Variants in CCDC146 observed in about 807,000 individuals in gnomAD.
The protein encoded by CCDC146 is coiled-coil domain containing 146.
In CCDC146, 92 loss-of-function variants were observed where a neutral mutation model predicts 119.3. That is an observed-to-expected ratio of 0.77 (90% CI 0.65 to 0.92). The LOEUF (loss-of-function observed/expected upper bound fraction) is 0.92. CCDC146 is among the 40% of genes least tolerant of loss of function. The pLI is 0.00. For synonymous variants in CCDC146, 372 were observed against 371.8 expected, an observed-to-expected ratio of 1.00 and a Z score of -0.01; for missense variants, 1,000 against 1,103.0, an observed-to-expected ratio of 0.91 and a Z score of 1.32.
At chr7:77,140,906 T>G (rs1235817717) in intron 1 of CCDC146, among the ~76,000 whole-genome samples, 1 of 152,122 alleles carries the variant, frequency 6.6e-6, no homozygotes, top group African/African-American at 2.4e-5. Context: ...ACCATCCCAG[T>G]CAAAATTCCA....
intron 1 of CCDC146, among the ~76,000 whole-genome samples, chr7:77,150,560 G>A (rs1296282489): frequency 1.3e-5 from 2 of 152,224 alleles, no homozygotes; most frequent in East Asian, 3.8e-4. Flanking sequence ...ACAATGCCAT[G>A]TGTTAACAAG....
At position 77,294,733 on chromosome 7, in the gene CCDC146, C is replaced by A; in HGVS notation, c.2735C>A (p.Ala912Asp). The A allele has an allele frequency of 6.2e-7, 1 of 1,614,160 alleles. No homozygotes were observed. The highest frequency in any genetic ancestry group is 8.5e-7 in the Non-Finnish European group (1 of 1,180,018). ...VYTTAEQRPN[A>D]YIPEADATLP... ...ACAACTGCAGAGCAGCGTCCGAATG[C>A]CTACATCCCAGAAGCAGATGCCACT... The change falls in exon 19 of 19, where the codon GCC (alanine) becomes GAC (aspartate). Residue 912 changes from alanine to aspartate, a missense_variant. By Grantham distance (126) the Ala-to-Asp change is moderately radical. Around this residue, in one of 2 missense-constraint regions of CCDC146, gnomAD observed 985 missense variants for 1,045.3 expected, o/e 0.94. Coordinates refer to ENST00000285871, the MANE Select transcript of CCDC146 (RefSeq NM_020879.3).
At chr7:77,163,860 C>CTTTTTTTTTTTTTTTTT (rs530810388) in intron 1 of CCDC146, among the ~76,000 whole-genome samples, 18 of 110,032 alleles carry the variant, frequency 1.6e-4, no homozygotes, top group Non-Finnish European at 2.2e-4. Flanking sequence ...TCTTTTTTTT[C>CTTTTTTTTTTTTTTTTT]TTTTTTTTTT....
At chr7:77,203,045 C>T (rs971825564) in intron 2 of CCDC146, among the ~76,000 whole-genome samples, 1 of 95,508 alleles carries the variant, frequency 1.0e-5, no homozygotes, top group East Asian at 4.2e-4. Flanking sequence ...CCCCCCCCCC[C>T]AGGACTATTT....
intron 2 of CCDC146, chr7:77,199,337 C>CA: frequency 1.2e-6 from 2 of 1,614,094 alleles, no homozygotes; most frequent in Non-Finnish European, 1.7e-6. Flanking sequence ...CCATGAAGTA[C>CA]ATTGATCTCC....
chr7:77,220,813 A>G (rs865891961), intron 2 of CCDC146, among the ~76,000 whole-genome samples: 6 of 152,258 alleles, frequency 3.9e-5, no homozygotes, highest in South Asian at 2.1e-4. Context: ...CTATAGGCTG[A>G]GTTGTGTGTT....
intron 1 of CCDC146, among the ~76,000 whole-genome samples, chr7:77,162,021 A>G (rs1791270541): frequency 6.6e-6 from 1 of 152,094 alleles, no homozygotes; most frequent in African/African-American, 2.4e-5. Flanking sequence ...ATTCAGTTGT[A>G]TAAGTTCCTT....
intron 1 of CCDC146, among the ~76,000 whole-genome samples, chr7:77,136,326 TAAATG>T (rs1413823811): frequency 6.6e-6 from 1 of 151,890 alleles, no homozygotes; most frequent in African/African-American, 2.4e-5. Context: ...GTAAAGAAAA[TAAATG>T]AAATGAAAAG....
At chr7:77,134,503 A>G (rs1472851718) in intron 1 of CCDC146, among the ~76,000 whole-genome samples, 4 of 151,906 alleles carry the variant, frequency 2.6e-5, no homozygotes. Context: ...TTTTATAGTA[A>G]TATTGATGAA....
chr7:77,280,288 T>A lies in CCDC146; in HGVS notation c.1695-141T>A. ...TTCCTGAAGAGTATCATAAGATGAATATCATTATTACTAGTATCATTTCAA... is the reference window on the plus strand; with the variant it reads ...TTCCTGAAGAGTATCATAAGATGAAAATCATTATTACTAGTATCATTTCAA... On this transcript the variant is annotated intron_variant, in intron 13 of 18. Transcript: ENST00000285871. The A allele has an allele frequency of 1.1e-5, 7 of 618,736 alleles. No homozygotes were observed. In the South Asian group the frequency reaches 1.4e-4, roughly 12 times the overall value. 38.3% of individuals were successfully genotyped at this position (618,736 alleles called of 1,614,324 possible).
chr7:77,230,728 G>A (rs987752714), intron 2 of CCDC146, among the ~76,000 whole-genome samples: 5 of 151,990 alleles, frequency 3.3e-5, no homozygotes, highest in African/African-American at 1.2e-4. Context: ...GATTCTACTT[G>A]GGATTCTTTG....
At chr7:77,225,244 GT>G (rs1792487251) in intron 2 of CCDC146, among the ~76,000 whole-genome samples, 1 of 152,154 alleles carries the variant, frequency 6.6e-6, no homozygotes, top group South Asian at 2.1e-4. Context: ...AAGTTACATA[GT>G]TTTAAAAAAT....
intron 1 of CCDC146, among the ~76,000 whole-genome samples, chr7:77,159,324 T>A (rs1299759890): frequency 6.6e-6 from 1 of 152,146 alleles, no homozygotes; most frequent in African/African-American, 2.4e-5. Flanking sequence ...CTACCCCAAG[T>A]CCCTGGCAAC....
At chr7:77,250,620 G>A (rs1281720668) in intron 4 of CCDC146, among the ~76,000 whole-genome samples, 1 of 152,102 alleles carries the variant, frequency 6.6e-6, no homozygotes, top group Non-Finnish European at 1.5e-5. Flanking sequence ...TTGACTTTCT[G>A]TAATTTACAT....
Position 77,274,482 on chromosome 7 carries a change from A to C in CCDC146, c.1270A>C (p.Lys424Gln), listed in dbSNP as rs187057485. ...EVAKRNLAQQ[K>Q]IISEMESKLV... Reference sequence around the variant, plus strand: ...TATTATCTGTGTTTTTTTTCAAAAGAAAATTATATCAGAAATGGAGTCTAA... The same window carrying C: ...TATTATCTGTGTTTTTTTTCAAAAGCAAATTATATCAGAAATGGAGTCTAA... The change falls in exon 11 of 19, where the codon AAA becomes CAA. Residue 424 changes from lysine (K) to glutamine (Q), a missense_variant and splice_region_variant. This residue lies in a region of CCDC146 where 985 missense variants were observed against 1,045.3 expected (regional missense o/e 0.94). Transcript: ENST00000285871. 4.4e-3 allele frequency: 6,700 copies of C among 1,531,784 alleles called. 23 individuals carry two copies. Among genetic ancestry groups the C allele is most frequent in the Non-Finnish European group, 5.3e-3 (6,095 of 1,139,908 alleles). The allele number at this position is 1,531,784 out of a possible 1,614,324, so 94.9% of individuals were successfully genotyped here. A position where few individuals can be genotyped will look rare whatever the true frequency, so the allele number is the denominator to read the frequency against.
chr7:77,199,924 C>T (rs1791955843), intron 2 of CCDC146: 9 of 1,110,938 alleles, frequency 8.1e-6, no homozygotes, highest in Admixed American at 2.6e-5. Context: ...GTTTTAGAAA[C>T]GCACAGGAAG....
intron 1 of CCDC146, among the ~76,000 whole-genome samples, chr7:77,165,534 T>TCACAG (rs1427256479): frequency 6.6e-6 from 1 of 152,098 alleles, no homozygotes; most frequent in African/African-American, 2.4e-5. Context: ...GTTTGGGGTA[T>TCACAG]CACAGAGTCC....
At chr7:77,159,560 A>G (rs1269165435) in intron 1 of CCDC146, among the ~76,000 whole-genome samples, 10 of 152,132 alleles carry the variant, frequency 6.6e-5, no homozygotes, top group African/African-American at 2.4e-4. Flanking sequence ...TTGTTTCCAT[A>G]TCTTGGCTTT....
chr7:77,227,033 T>G (rs1254574230), intron 2 of CCDC146, among the ~76,000 whole-genome samples: 1 of 152,218 alleles, frequency 6.6e-6, no homozygotes. Context: ...ATTTGTTTTT[T>G]TAGAGGAGAC....
Sources: allele counts gnomAD v4.1 joint callset (sites outside exome capture counted in the v4.1 genomes callset), GRCh38; gene constraint gnomAD v4.1.1; regional missense constraint gnomAD v4.1.1; transcripts MANE v1.5; gene names NCBI Gene and HGNC (gene_info 2026-07-23, HGNC 2026-07-21).